CABIN1: variants seen among roughly 807,000 people sequenced by gnomAD.
CABIN1 encodes calcineurin-binding protein cabin-1.
A neutral mutation model predicts 227.7 loss-of-function variants in CABIN1; 133 were observed. The observed-to-expected ratio is 0.58, with a 90% CI of 0.51 to 0.67. CABIN1 has a LOEUF of 0.67. CABIN1 is among the 30% of genes least tolerant of loss of function. The probability of loss-of-function intolerance (pLI) is 0.00; values close to 1 mark genes in which losing one functional copy is unlikely to be tolerated. For synonymous variants in CABIN1, 1,086 were observed against 1,155.1 expected (o/e 0.94, Z 1.21); for missense variants, 2,408 against 2,852.5 (o/e 0.84, Z 3.55).
chr22:24,084,716 G>A lies in CABIN1; in HGVS notation c.3048G>A (p.Val1016=), dbSNP rs761463389. ...ANLLKRIATI[V]PRTERPALSL... The stretch of plus-strand genomic sequence containing the variant: ...TACTGAAGAGAATTGCCACCATTGT[G>A]CCTCGCACAGAGAGGCCAGCCCTTA... Residue 1016 remains valine, a synonymous_variant, in exon 21 of 37, where the codon GTG becomes GTA. Coordinates refer to ENST00000263119, the MANE Select transcript of CABIN1 (RefSeq NM_012295.4). 2 of 1,614,182 alleles carry A rather than the reference G, an allele frequency of 1.2e-6. No homozygotes were observed. Among genetic ancestry groups the A allele is most frequent in the Middle Eastern group, 1.6e-4 (1 of 6,062 alleles).
chr22:24,064,912 A>G (rs1356991487), intron 15 of CABIN1, among the ~76,000 whole-genome samples: 6 of 152,020 alleles, frequency 3.9e-5, no homozygotes, highest in African/African-American at 1.4e-4. Context: ...TCCCATGTCT[A>G]CTTCTTTCTA....
chr22:24,169,229 C>G (rs2046642330), intron 33 of CABIN1, among the ~76,000 whole-genome samples: 1 of 152,066 alleles, frequency 6.6e-6, no homozygotes, highest in Non-Finnish European at 1.5e-5. Context: ...CAGGTGTGCC[C>G]TGTCTAAAAC....
intron 29 of CABIN1, among the ~76,000 whole-genome samples, chr22:24,136,347 C>CTTTTT (rs71184947): frequency 1.2e-4 from 14 of 113,206 alleles, no homozygotes; most frequent in Non-Finnish European, 1.8e-4. Flanking sequence ...GCCATCCCTC[C>CTTTTT]TTTTTTTTTT....
chr22:24,057,694 C>T (rs990076583), intron 10 of CABIN1, among the ~76,000 whole-genome samples: 1 of 152,164 alleles, frequency 6.6e-6, no homozygotes, highest in Non-Finnish European at 1.5e-5. Flanking sequence ...AGCAAGATTC[C>T]TAATTTTCTT....
intron 16 of CABIN1, among the ~76,000 whole-genome samples, chr22:24,068,030 T>C (rs917919274): frequency 2.0e-5 from 3 of 152,196 alleles, no homozygotes; most frequent in African/African-American, 4.8e-5. Context: ...TCCCTTTCAA[T>C]TTGGAAAGAG....
chr22:24,055,285 G>C (rs1249746563), intron 9 of CABIN1, 126 bp downstream of exon 9: 12 of 1,133,556 alleles, frequency 1.1e-5, no homozygotes, highest in East Asian at 2.6e-5. Flanking sequence ...GACTCAAGTG[G>C]AAGTGGGAGC....
chr22:24,156,147 G>A (rs1297470296), intron 29 of CABIN1: 7 of 394,750 alleles, frequency 1.8e-5, no homozygotes, highest in East Asian at 3.6e-5. Context: ...CTGCGCAACC[G>A]CTTCGCCTCC....
Position 24,113,629 on chromosome 22 carries a change from A to G in CABIN1, c.4181A>G (p.Asn1394Ser). Residue 1394 changes from asparagine to serine, a missense_variant, in exon 27 of 37, where the codon AAT becomes AGT. Asn to Ser is a conservative substitution (Grantham distance 46). Transcript: ENST00000263119. The part of the protein sequence containing the change: ...SDSSSTQDFF[N>S]EPTSLLEGSR... ...TCTAGCTCAACGCAGGACTTCTTTA[A>G]TGAGCCCACCAGCTTACTGGAAGGC... The G allele has an allele frequency of 2.5e-6, 4 of 1,614,120 alleles. No individual in the cohort carries two copies. The highest frequency in any genetic ancestry group is 3.4e-6 in the Non-Finnish European group (4 of 1,180,016).
At position 24,124,813 on chromosome 22, in the gene CABIN1, G is replaced by A. The variant is rs1372137164; in HGVS notation, c.4632+5115G>A. On this transcript the variant is annotated intron_variant, in intron 28 of 36. Transcript: ENST00000263119. ...GTTGCCTCCTGCTCAGCTGGGAGCTGAGCCCCTTCACCTCCTGCTACTTCT... is the reference window on the plus strand; with the variant it reads ...GTTGCCTCCTGCTCAGCTGGGAGCTAAGCCCCTTCACCTCCTGCTACTTCT... Among the ~76,000 whole-genome samples, 5 of 152,164 alleles carry A rather than the reference G, an allele frequency of 3.3e-5. No homozygotes were observed. The East Asian group carries it at 9.6e-4, about 29-fold the overall frequency.
At chr22:24,110,358 A>C (rs1339447904) in intron 26 of CABIN1, among the ~76,000 whole-genome samples, 1 of 152,184 alleles carries the variant, frequency 6.6e-6, no homozygotes, top group Non-Finnish European at 1.5e-5. Context: ...ACTCGTTTTC[A>C]TTCATTTCAC....
chr22:24,119,463 TC>T lies in CABIN1; in HGVS notation c.4400del (p.Pro1467LeufsTer54), dbSNP rs1218880858. 2 of 1,614,094 alleles carry T rather than the reference TC, an allele frequency of 1.2e-6. No individual in the cohort carries two copies. The highest frequency in any genetic ancestry group is 3.3e-5 in the Admixed American group (2 of 60,026). On this transcript the variant is annotated frameshift_variant, in exon 28 of 37. Transcript: ENST00000263119. LOFTEE classifies it high-confidence loss of function. Reference protein sequence around the residue: ...PAAETPASACIPGKPSASTPT... With the variant: ...PAAETPASACXPGKPSASTPT... ...GCAGAAACCCCAGCCTCTGCTTGCA[TC>T]CCTGGCAAGCCCTCAGCATCCACAC... is the stretch of plus-strand genomic sequence containing the variant.
chr22:24,158,028 G>A (rs1163583555), intron 29 of CABIN1, among the ~76,000 whole-genome samples: 3 of 152,170 alleles, frequency 2.0e-5, no homozygotes, highest in African/African-American at 7.2e-5. Flanking sequence ...CCCCGCCCTC[G>A]CCTGTTCCGA....
chr22:24,113,781 C>T (rs372557351), intron 27 of CABIN1, 33 bp downstream of exon 27: 8 of 1,610,444 alleles, frequency 5.0e-6, no homozygotes, highest in Non-Finnish European at 6.8e-6. Flanking sequence ...ATTAGAACCA[C>T]TTTGATGTCC....
chr22:24,040,932 T>G lies in CABIN1; in HGVS notation c.211-207T>G, dbSNP rs1408520296. Among the ~76,000 whole-genome samples the G allele has an allele frequency of 2.0e-5, 3 of 152,302 alleles. No homozygotes were observed. The East Asian group carries it at 5.8e-4, about 29-fold the overall frequency. Reference sequence around the variant, plus strand: ...AGACTCTCTGCAAACTATTAATACCTCAGGGTGGTCTGTTCTTCTCTGTGC... The same window carrying G: ...AGACTCTCTGCAAACTATTAATACCGCAGGGTGGTCTGTTCTTCTCTGTGC... On this transcript the variant is annotated intron_variant, in intron 4 of 36. Transcript: ENST00000263119.
intron 1 of CABIN1, among the ~76,000 whole-genome samples, chr22:24,019,386 T>C (rs1323807865): frequency 6.6e-6 from 1 of 151,910 alleles, no homozygotes; most frequent in Non-Finnish European, 1.5e-5. Context: ...TGCCTTGGCC[T>C]CCCAAAGTGC....
At chr22:24,140,988 G>A (rs539797693) in intron 29 of CABIN1, among the ~76,000 whole-genome samples, 5 of 152,352 alleles carry the variant, frequency 3.3e-5, no homozygotes, top group South Asian at 2.1e-4. Flanking sequence ...TGGGCTACCC[G>A]TAAGCAGAGT....
chr22:24,105,116 G>T (rs529204398), intron 26 of CABIN1, among the ~76,000 whole-genome samples: 1 of 152,332 alleles, frequency 6.6e-6, no homozygotes, highest in South Asian at 2.1e-4. Context: ...GAACAAGGAG[G>T]ACTCAGAACA....
At chr22:24,044,415 T>G (rs1444660986) in intron 6 of CABIN1, among the ~76,000 whole-genome samples, 1 of 152,216 alleles carries the variant, frequency 6.6e-6, no homozygotes, top group African/African-American at 2.4e-5. Context: ...TGATTAAATC[T>G]GTGGTTCATG....
intron 29 of CABIN1, among the ~76,000 whole-genome samples, chr22:24,162,537 C>A (rs2046217884): frequency 6.6e-6 from 1 of 152,228 alleles, no homozygotes; most frequent in Non-Finnish European, 1.5e-5. Flanking sequence ...CTGACCCTGC[C>A]CGGGAAACGT....
Sources: allele counts gnomAD v4.1 joint callset (sites outside exome capture counted in the v4.1 genomes callset), GRCh38; gene constraint gnomAD v4.1.1; transcripts MANE v1.5; gene names NCBI Gene and HGNC (gene_info 2026-07-23, HGNC 2026-07-21).